Variants in PEX14 observed in about 807,000 individuals in gnomAD.
The protein encoded by PEX14 is peroxisomal membrane protein PEX14.
Under a neutral mutation model 49.5 loss-of-function variants are expected in PEX14, and 15 were observed. The ratio of observed to expected loss-of-function variants is 0.30; its 90% CI spans 0.20 to 0.47. PEX14 has a LOEUF of 0.47. Ranked by LOEUF, PEX14 falls within the 20% of genes least tolerant of loss-of-function variation. The pLI is 1.00. For synonymous variants in PEX14, 210 were observed against 212.7 expected, an observed-to-expected ratio of 0.99 and a Z score of 0.11; for missense variants, 398 against 494.8, an observed-to-expected ratio of 0.80 and a Z score of 1.86.
At chr1:10,624,771 C>T (rs970170567) in intron 7 of PEX14, among the ~76,000 whole-genome samples, 2 of 152,134 alleles carry the variant, frequency 1.3e-5, no homozygotes, top group East Asian at 1.9e-4. Flanking sequence ...AGACATGGGA[C>T]GGTCTCTACC....
In PEX14 at chr1:10,626,708, C is replaced by T. The variant is rs574490050; in HGVS notation, c.586-564C>T. Among the ~76,000 whole-genome samples the T allele has an allele frequency of 1.6e-4, 24 of 152,360 alleles. No homozygotes were observed. In the East Asian group the frequency reaches 2.1e-3, roughly 13 times the overall value. On this transcript the variant is annotated intron_variant, in intron 7 of 8. Transcript: ENST00000356607. The stretch of plus-strand genomic sequence containing the variant: ...CGAGGTAGACCTCACACGGAGGCCT[C>T]GTGGCATTGTCCTCTGTGCACATGC...
intron 2 of PEX14, among the ~76,000 whole-genome samples, chr1:10,513,351 G>A (rs1376113490): frequency 6.6e-6 from 1 of 152,176 alleles, no homozygotes; most frequent in African/African-American, 2.4e-5. Flanking sequence ...TGAGGCTAAG[G>A]TGGGAACAGG....
At chr1:10,591,298 T>C (rs1640656942) in intron 3 of PEX14, among the ~76,000 whole-genome samples, 1 of 151,826 alleles carries the variant, frequency 6.6e-6, no homozygotes, top group South Asian at 2.1e-4. Flanking sequence ...GCAGCCACAG[T>C]GGGTTAAGCA....
rs1490486186 is a variant in PEX14, at chr1:10,628,793, G to A, written c.678-738G>A. Among the ~76,000 whole-genome samples the A allele has an allele frequency of 6.6e-6, 1 of 152,222 alleles. No individual in the cohort carries two copies. Among genetic ancestry groups the A allele is most frequent in the Non-Finnish European group, 1.5e-5 (1 of 68,038 alleles). ...GCTGGGGGACAGCCCTGCGGGCAGG[G>A]CTTTGTCCTCTTGGCTCAGGCAGAG... On this transcript the variant is annotated intron_variant, in intron 8 of 8. Transcript: ENST00000356607. The surrounding 1 kb of genome is among the most constrained non-coding windows in gnomAD (Gnocchi z 4.5).
At chr1:10,531,823 T>G (rs1638658561) in intron 2 of PEX14, among the ~76,000 whole-genome samples, 2 of 152,130 alleles carry the variant, frequency 1.3e-5, no homozygotes, top group Non-Finnish European at 2.9e-5. Flanking sequence ...GTGCTAAGGC[T>G]CCCTCAAACC....
intron 4 of PEX14, among the ~76,000 whole-genome samples, chr1:10,615,230 C>G (rs1570354267): frequency 1.3e-5 from 2 of 152,146 alleles, no homozygotes; most frequent in African/African-American, 4.8e-5. Flanking sequence ...GACAAAACAC[C>G]ATTAGCAGAG....
intron 4 of PEX14, among the ~76,000 whole-genome samples, chr1:10,611,873 T>G (rs940475817): frequency 6.6e-6 from 1 of 152,238 alleles, no homozygotes; most frequent in African/African-American, 2.4e-5. Flanking sequence ...GCTCTTTATG[T>G]ATTCTAGTTA....
At chr1:10,544,779 T>C (rs1257007579) in intron 3 of PEX14, among the ~76,000 whole-genome samples, 1 of 151,894 alleles carries the variant, frequency 6.6e-6, no homozygotes, top group African/African-American at 2.4e-5. Flanking sequence ...TTTCTTTTTC[T>C]GAGACAGGAT....
intron 3 of PEX14, among the ~76,000 whole-genome samples, chr1:10,550,994 T>G (rs890846723): frequency 1.1e-4 from 16 of 152,170 alleles, no homozygotes; most frequent in Non-Finnish European, 2.4e-4. Context: ...GAAGAGGAAG[T>G]CTTGGGCTTG....
intron 2 of PEX14, among the ~76,000 whole-genome samples, chr1:10,517,532 T>C (rs1641991811): frequency 1.3e-5 from 2 of 151,914 alleles, no homozygotes; most frequent in African/African-American, 2.4e-5. Flanking sequence ...TTTTGAAAAA[T>C]GTAGGGAGGC....
chr1:10,577,575 T>A lies in PEX14; in HGVS notation c.170-21663T>A, dbSNP rs1169194645. Among the ~76,000 whole-genome samples the A allele has an allele frequency of 6.1e-3, 54 of 8,838 alleles. 2 individuals carry two copies. Among genetic ancestry groups the A allele is most frequent in the African/African-American group, 0.015 (37 of 2,426 alleles). The allele number at this position is 8,838 out of a possible 152,430, so 5.8% of individuals were successfully genotyped here. A position where few individuals can be genotyped will look rare whatever the true frequency, so the allele number is the denominator to read the frequency against. On this transcript the variant is annotated intron_variant, in intron 3 of 8. Coordinates refer to ENST00000356607, the MANE Select transcript of PEX14 (RefSeq NM_004565.3). ...ATATATATATATATTTTTTTTTTTT[T>A]TTTTTTTTTTTTTTTTTTTTTTTTT...
At chr1:10,598,145 G>A (rs11121598) in intron 3 of PEX14, among the ~76,000 whole-genome samples, 12,520 of 152,216 alleles carry the variant, frequency 0.082, 732 homozygotes, top group South Asian at 0.16. Context: ...GTTGCGGCTC[G>A]CTTGGATGTT....
rs1415331296 is a variant in PEX14 at position 10,630,080 on chromosome 1, C to T, written c.*93C>T. 1.3e-6 allele frequency: 2 copies of T among 1,567,760 alleles called. No individual in the cohort carries two copies. The highest frequency in any genetic ancestry group is 1.7e-6 in the Non-Finnish European group (2 of 1,162,380). ...TCCCTCTCTGGCCCTGGGAGGGCAG[C>T]TTGGAGCCCAGGTAGGGGGCAGAGC... On this transcript the variant is annotated 3_prime_UTR_variant, in exon 9 of 9. Coordinates refer to ENST00000356607, the MANE Select transcript of PEX14 (RefSeq NM_004565.3). This position sits in a 1 kb window ranked among gnomAD's most constrained non-coding sequence, Gnocchi z 4.1.
chr1:10,554,063 G>A (rs1047905339), intron 3 of PEX14, among the ~76,000 whole-genome samples: 13 of 151,618 alleles, frequency 8.6e-5, no homozygotes, highest in Admixed American at 3.9e-4. Flanking sequence ...GCCGAGGTGG[G>A]CGGATCATGA....
intron 3 of PEX14, among the ~76,000 whole-genome samples, chr1:10,574,291 A>G (rs1640061782): frequency 6.6e-6 from 1 of 152,246 alleles, no homozygotes; most frequent in South Asian, 2.1e-4. Context: ...AAGAATACAT[A>G]TATTTTTATG....
In PEX14 at chr1:10,520,148, C is replaced by CTTTTTTTTTTTTTT. The variant is rs565247030; in HGVS notation, c.85-16064_85-16051dup. On this transcript the variant is annotated intron_variant, in intron 2 of 8. Coordinates refer to ENST00000356607, the MANE Select transcript of PEX14 (RefSeq NM_004565.3). Reference sequence around the variant, plus strand: ...AGCTGTTGTGCCTGGCCTTCTTCTTCTTTTTTTTTTTTTTGTTTTTTTAAC... The same window carrying CTTTTTTTTTTTTTT: ...AGCTGTTGTGCCTGGCCTTCTTCTTCTTTTTTTTTTTTTTTTTTTTTTTTTTTTGTTTTTTTAAC... 3.4e-3 allele frequency among the ~76,000 whole-genome samples: 238 copies of CTTTTTTTTTTTTTT among 69,166 alleles called. 7 individuals are homozygous for CTTTTTTTTTTTTTT. Among genetic ancestry groups the CTTTTTTTTTTTTTT allele is most frequent in the Middle Eastern group, 0.015 (2 of 136 alleles). The allele number at this position is 69,166 out of a possible 152,430, so 45.4% of individuals were successfully genotyped here.
rs1232683234 is a variant in PEX14, at chr1:10,529,731, C to T, written c.85-6482C>T. On this transcript the variant is annotated intron_variant, in intron 2 of 8. Coordinates refer to ENST00000356607, the MANE Select transcript of PEX14 (RefSeq NM_004565.3). The surrounding 1 kb of genome is among the most constrained non-coding windows in gnomAD (Gnocchi z 4.2). Reference sequence around the variant, plus strand: ...TTAGAATTCCCTAAATACAGATTTACACAATAGCCTTAAAATATATTCTGT... The same window carrying T: ...TTAGAATTCCCTAAATACAGATTTATACAATAGCCTTAAAATATATTCTGT... Among the ~76,000 whole-genome samples, 2 of 152,194 alleles carry T rather than the reference C, an allele frequency of 1.3e-5. No homozygotes were observed. Among genetic ancestry groups the T allele is most frequent in the Non-Finnish European group, 2.9e-5 (2 of 68,034 alleles).
At chr1:10,548,059 TA>T (rs1357242042) in intron 3 of PEX14, among the ~76,000 whole-genome samples, 1 of 151,732 alleles carries the variant, frequency 6.6e-6, no homozygotes, top group Non-Finnish European at 1.5e-5. Context: ...CTACTAAAAA[TA>T]AAAAAAATTA....
intron 3 of PEX14, among the ~76,000 whole-genome samples, chr1:10,577,965 C>A (rs1640199142): frequency 6.6e-6 from 1 of 151,794 alleles, no homozygotes; most frequent in Admixed American, 6.6e-5. Flanking sequence ...CCCAGGGGAG[C>A]CACCTTTATA....
Sources: gnomAD v4.1 joint callset for allele counts (sites outside exome capture counted in the v4.1 genomes callset) on GRCh38, gnomAD v4.1.1 for gene constraint, Gnocchi (gnomAD v3.1) non-coding constraint, MANE v1.5 for transcripts, NCBI Gene and HGNC (gene_info 2026-07-23, HGNC 2026-07-21) for gene names.